DNAH14: variants seen among roughly 807,000 people sequenced by gnomAD.
DNAH14 encodes the protein axonemal beta dynein heavy chain 14.
In DNAH14, 478 loss-of-function variants were observed where a neutral mutation model predicts 520.9. The observed-to-expected ratio is 0.92, with a 90% CI of 0.85 to 0.99. The LOEUF is 0.99. Ranked by LOEUF, DNAH14 falls within the 50% of genes least tolerant of loss-of-function variation. The pLI is 0.00. For missense variants in DNAH14, 4,831 were observed against 5,234.5 expected, an observed-to-expected ratio of 0.92 and a Z score of 2.38; for synonymous variants, 1,581 against 1,757.2, an observed-to-expected ratio of 0.90 and a Z score of 2.51.
intron 74 of DNAH14, among the ~76,000 whole-genome samples, 192 bp from the exon 75 acceptor site, chr1:225,360,489 A>T (rs1174158886): frequency 6.6e-6 from 1 of 152,200 alleles, no homozygotes; most frequent in African/African-American, 2.4e-5. Flanking sequence ...AGATATTGTT[A>T]TCATCCTCGT....
intron 74 of DNAH14, 150 bp downstream of exon 74, chr1:225,358,802 A>T: frequency 1.3e-6 from 1 of 769,838 alleles, no homozygotes; most frequent in East Asian, 3.0e-5. Flanking sequence ...GGTTCCCCCC[A>T]TGCTGTTCTC....
intron 8 of DNAH14, among the ~76,000 whole-genome samples, chr1:224,992,828 G>A (rs1558622648): frequency 6.6e-6 from 1 of 152,018 alleles, no homozygotes; most frequent in African/African-American, 2.4e-5. Context: ...CAAGCATAGT[G>A]TTAGCTGCAG....
chr1:225,338,830 A>G (rs1454315223), intron 68 of DNAH14, among the ~76,000 whole-genome samples: 1 of 152,180 alleles, frequency 6.6e-6, no homozygotes, highest in African/African-American at 2.4e-5. Context: ...TAATTGGCAA[A>G]GGAAACTAGA....
intron 5 of DNAH14, among the ~76,000 whole-genome samples, chr1:224,965,262 G>A (rs934452927): frequency 6.6e-6 from 1 of 151,980 alleles, no homozygotes; most frequent in Non-Finnish European, 1.5e-5. Context: ...AAGCAACACT[G>A]GAATCACCTT....
intron 5 of DNAH14, 126 bp downstream of exon 5, chr1:224,964,735 T>C: frequency 1.2e-6 from 1 of 859,704 alleles, no homozygotes; most frequent in East Asian, 2.9e-5. Flanking sequence ...TACAATTATT[T>C]CATGGTAAAT....
At chr1:225,078,394 A>G (rs531228706) in intron 17 of DNAH14, among the ~76,000 whole-genome samples, 1 of 152,330 alleles carries the variant, frequency 6.6e-6, no homozygotes, top group Admixed American at 6.5e-5. Flanking sequence ...CACCGTTCAC[A>G]TTTCAGTCAT....
intron 8 of DNAH14, among the ~76,000 whole-genome samples, chr1:225,001,246 C>T (rs890198205): frequency 6.6e-6 from 1 of 152,058 alleles, no homozygotes; most frequent in Non-Finnish European, 1.5e-5. Flanking sequence ...TTTTCTTCCC[C>T]ACCCTTCAAT....
Position 225,287,242 on chromosome 1 carries a change from A to G in DNAH14, c.8272-2643A>G, listed in dbSNP as rs2093768757. 2.0e-5 allele frequency among the ~76,000 whole-genome samples: 3 copies of G among 152,326 alleles called. No homozygotes were observed. The South Asian group carries it at 6.2e-4, about 32-fold the overall frequency. ...AAAAAAGTCATTTTGGAGGTCTGGT[A>G]ATCCCAGGATGAAATGCAGAATGTG... On this transcript the variant is annotated intron_variant, in intron 54 of 85. Transcript: ENST00000682510.
At position 225,023,615 on chromosome 1, in the gene DNAH14, G is replaced by A; in HGVS notation, c.1108G>A (p.Val370Ile). 1 of 1,505,716 alleles carries A rather than the reference G, an allele frequency of 6.6e-7. No homozygotes were observed. Among genetic ancestry groups the A allele is most frequent in the Non-Finnish European group, 8.9e-7 (1 of 1,121,492 alleles). The allele number at this position is 1,505,716 out of a possible 1,614,324, so 93.3% of individuals were successfully genotyped here. The change falls in exon 11 of 86, where the codon GTT becomes ATT. Residue 370 changes from valine to isoleucine, a missense_variant and splice_region_variant. Val to Ile is a conservative substitution (Grantham distance 29, BLOSUM62 3). Transcript: ENST00000682510. ...ISEMKSTFLK[V>I]AEKNEIKEYF... ...TTCTCAATTGTTTTTTAAATTGTAG[G>A]TTGCAGAAAAGAATGAAATCAAAGA...
At chr1:225,311,349 G>T (rs1453893261) in intron 60 of DNAH14, among the ~76,000 whole-genome samples, 1 of 151,812 alleles carries the variant, frequency 6.6e-6, no homozygotes, top group African/African-American at 2.4e-5. Flanking sequence ...CTGGATATTA[G>T]CTCTTTGTCA....
intron 2 of DNAH14, among the ~76,000 whole-genome samples, chr1:224,953,323 A>C (rs2060298219): frequency 6.6e-6 from 1 of 151,806 alleles, no homozygotes; most frequent in African/African-American, 2.4e-5. Context: ...ATGGGGTTTC[A>C]CCATTTTGGC....
rs186720783 is a variant in DNAH14 at position 225,370,147 on chromosome 1, G to A, written c.12318+2115G>A. ...TCTACTGAAAACAAAAATTAGCCTG[G>A]CGTGGTGGCACATGCCTATAATCCC... On this transcript the variant is annotated intron_variant, in intron 77 of 85. Coordinates refer to ENST00000682510, the MANE Select transcript of DNAH14 (RefSeq NM_001367479.1). 4.2e-3 allele frequency among the ~76,000 whole-genome samples: 644 copies of A among 152,230 alleles called. 4 individuals carry two copies. The highest frequency in any genetic ancestry group is 6.9e-3 in the Non-Finnish European group (470 of 67,992).
intron 21 of DNAH14, among the ~76,000 whole-genome samples, chr1:225,090,428 T>G (rs1234049388): frequency 6.6e-6 from 1 of 152,076 alleles, no homozygotes; most frequent in East Asian, 1.9e-4. Flanking sequence ...TAGAATAGTG[T>G]AAACAATTTT....
chr1:225,192,953 G>A (rs1325051415), intron 38 of DNAH14, 42 bp downstream of exon 38: 4 of 1,403,020 alleles, frequency 2.9e-6, no homozygotes, highest in Non-Finnish European at 3.9e-6. Context: ...TAACTAATGT[G>A]GATTATTTAA....
chr1:224,948,975 T>C (rs1356102131), intron 1 of DNAH14, among the ~76,000 whole-genome samples: 1 of 152,200 alleles, frequency 6.6e-6, no homozygotes, highest in Non-Finnish European at 1.5e-5. Flanking sequence ...CTTTTTTTGC[T>C]CATAATTTTT....
At position 225,308,274 on chromosome 1, in the gene DNAH14, T is replaced by C. The variant is rs1284742774; in HGVS notation, c.9115-11T>C. The C allele has an allele frequency of 7.8e-6, 12 of 1,532,004 alleles. No individual in the cohort carries two copies. The highest frequency in any genetic ancestry group is 2.5e-5 in the East Asian group (1 of 40,452). 94.9% of individuals were successfully genotyped at this position (1,532,004 alleles called of 1,614,324 possible). On this transcript the variant is annotated splice_polypyrimidine_tract_variant and intron_variant, in intron 59 of 85. Transcript: ENST00000682510. ...AAAATTCATTCTAAGAACAATTATG[T>C]GCTTCATTAGGAAACAGAAACTCTA... is the stretch of plus-strand genomic sequence containing the variant.
intron 36 of DNAH14, among the ~76,000 whole-genome samples, chr1:225,182,982 T>G (rs1311087872): frequency 1.3e-5 from 2 of 152,196 alleles, no homozygotes; most frequent in African/African-American, 4.8e-5. Flanking sequence ...GGTGTGGCCC[T>G]GCATGAGATC....
At chr1:225,342,683 A>AACACACAC (rs10572962) in intron 69 of DNAH14, among the ~76,000 whole-genome samples, 1 of 148,030 alleles carries the variant, frequency 6.8e-6, no homozygotes, top group African/African-American at 2.5e-5. Flanking sequence ...ATTTCTCATA[A>AACACACAC]ACACACACAC....
intron 25 of DNAH14, 122 bp from the exon 26 acceptor site, chr1:225,119,098 A>T: frequency 1.7e-6 from 1 of 576,940 alleles, no homozygotes; most frequent in Non-Finnish European, 2.8e-6. Flanking sequence ...AGGCAGTAGT[A>T]GTCCTTTGGC....
Sources: allele counts gnomAD v4.1 joint callset (sites outside exome capture counted in the v4.1 genomes callset), GRCh38; gene constraint gnomAD v4.1.1; transcripts MANE v1.5; gene names NCBI Gene and HGNC (gene_info 2026-07-23, HGNC 2026-07-21).